GPR39: variants seen among roughly 807,000 people sequenced by gnomAD.
GPR39 encodes the protein G protein-coupled receptor 39, also known as zinc sensing receptor.
A neutral mutation model predicts 18.4 loss-of-function variants in GPR39; 23 were observed. That is an observed-to-expected ratio of 1.25 (90% confidence interval 0.90 to 1.77). The LOEUF is 1.77. GPR39 is among the 40% of genes most tolerant of loss of function. GPR39 has a pLI of 0.00. For synonymous variants in GPR39, 280 were observed against 257.9 expected (o/e 1.09, Z -0.82); for missense variants, 647 against 602.4 (o/e 1.07, Z -0.78).
intron 1 of GPR39, among the ~76,000 whole-genome samples, chr2:132,435,294 C>T (rs2104761434): frequency 6.6e-6 from 1 of 152,200 alleles, no homozygotes; most frequent in Middle Eastern, 3.4e-3. Context: ...AAACCAACCC[C>T]TCCTTCCTCG....
chr2:132,441,614 T>G (rs571421278), intron 1 of GPR39, among the ~76,000 whole-genome samples: 1 of 152,330 alleles, frequency 6.6e-6, no homozygotes, highest in African/African-American at 2.4e-5. Flanking sequence ...TTAATACACT[T>G]GACTTCTTTT....
chr2:132,466,506 T>TCCCA, intron 1 of GPR39, among the ~76,000 whole-genome samples: 1 of 152,316 alleles, frequency 6.6e-6, no homozygotes, highest in Non-Finnish European at 1.5e-5. Flanking sequence ...GGGCCAGGGT[T>TCCCA]GACTGAGTTC....
chr2:132,591,244 C>T lies in GPR39; in HGVS notation c.857-53857C>T, dbSNP rs1277164502. Among the ~76,000 whole-genome samples the T allele has an allele frequency of 1.2e-4, 14 of 117,952 alleles. No homozygotes were observed. In the Admixed American group the frequency reaches 1.5e-3, roughly 13 times the overall value. 77.4% of individuals were successfully genotyped at this position (117,952 alleles called of 152,430 possible). A position where few individuals can be genotyped will look rare whatever the true frequency, so the allele number is the denominator to read the frequency against. ...CCGCAGTCCGGCCTGGGCGACAGAG[C>T]GAGACTCCGTCTCAAAAAAAAAAAA... On this transcript the variant is annotated intron_variant, in intron 1 of 1. Coordinates refer to ENST00000329321, the MANE Select transcript of GPR39 (RefSeq NM_001508.3).
chr2:132,540,020 A>G (rs938074235), intron 1 of GPR39, among the ~76,000 whole-genome samples: 5 of 152,126 alleles, frequency 3.3e-5, no homozygotes, highest in African/African-American at 7.2e-5. Flanking sequence ...GAGGAAAGGA[A>G]GTTGCTATTA....
intron 1 of GPR39, among the ~76,000 whole-genome samples, chr2:132,485,468 A>G (rs527325934): frequency 6.6e-6 from 1 of 152,338 alleles, no homozygotes; most frequent in Admixed American, 6.5e-5. Context: ...GTTTTATAGC[A>G]TTTTATCCAG....
intron 1 of GPR39, among the ~76,000 whole-genome samples, chr2:132,552,673 G>T (rs750985918): frequency 5.9e-5 from 9 of 151,506 alleles, no homozygotes; most frequent in African/African-American, 1.9e-4. Context: ...CTGGAAGTTC[G>T]GCATCCTTGA....
At chr2:132,440,655 C>T (rs1013940330) in intron 1 of GPR39, among the ~76,000 whole-genome samples, 1 of 152,132 alleles carries the variant, frequency 6.6e-6, no homozygotes, top group Non-Finnish European at 1.5e-5. Flanking sequence ...CCACTGACAT[C>T]AGGGTCAGTG....
chr2:132,506,732 T>C (rs1679141523), intron 1 of GPR39, among the ~76,000 whole-genome samples: 1 of 152,118 alleles, frequency 6.6e-6, no homozygotes, highest in African/African-American at 2.4e-5. Flanking sequence ...ATTATCTAAT[T>C]ACCTCCCACC....
chr2:132,634,993 T>C (rs1395809198), intron 1 of GPR39, among the ~76,000 whole-genome samples: 1 of 152,220 alleles, frequency 6.6e-6, no homozygotes, highest in Non-Finnish European at 1.5e-5. Context: ...AAGGCAGTTG[T>C]CAGAATCCAA....
At chr2:132,449,447 G>A (rs1344170398) in intron 1 of GPR39, among the ~76,000 whole-genome samples, 13 of 152,100 alleles carry the variant, frequency 8.5e-5, no homozygotes, top group Admixed American at 7.2e-4. Context: ...GGGTTTCACC[G>A]TGTTGTGGTC....
chr2:132,516,578 C>T lies in GPR39; in HGVS notation c.856+98680C>T, dbSNP rs148207428. ...GGGGCTCACCTGAGGCCTGTTAGTT[C>T]AGAAGTTCTCTGCATTTTTCAGCCG... is the stretch of plus-strand genomic sequence containing the variant. On this transcript the variant is annotated intron_variant, in intron 1 of 1. Transcript: ENST00000329321. Among the ~76,000 whole-genome samples the T allele has an allele frequency of 5.5e-3, 835 of 152,306 alleles. 8 individuals are homozygous for T. The highest frequency in any genetic ancestry group is 0.019 in the African/African-American group (790 of 41,564).
chr2:132,576,982 C>T (rs1161496471), intron 1 of GPR39, among the ~76,000 whole-genome samples: 1 of 152,052 alleles, frequency 6.6e-6, no homozygotes, highest in East Asian at 1.9e-4. Flanking sequence ...TATACCTCTA[C>T]CAATACCACA....
At chr2:132,557,083 AGG>A (rs34244350) in intron 1 of GPR39, among the ~76,000 whole-genome samples, 48,852 of 151,252 alleles carry the variant, frequency 0.32, 8,044 homozygotes, top group Middle Eastern at 0.43. Flanking sequence ...TGGGAGGCCA[AGG>A]GGGGGGGCAG....
intron 1 of GPR39, among the ~76,000 whole-genome samples, chr2:132,438,713 T>G (rs1227828118): frequency 1.3e-5 from 2 of 151,990 alleles, no homozygotes; most frequent in African/African-American, 4.8e-5. Context: ...AACTGATGCC[T>G]TAAGTCTCAA....
intron 1 of GPR39, among the ~76,000 whole-genome samples, chr2:132,539,111 A>G (rs1273065748): frequency 6.6e-6 from 1 of 152,148 alleles, no homozygotes; most frequent in Non-Finnish European, 1.5e-5. Context: ...CTGCCGGAGT[A>G]TGAAAGACTT....
intron 1 of GPR39, among the ~76,000 whole-genome samples, chr2:132,525,800 A>G (rs1242026669): frequency 6.6e-6 from 1 of 152,210 alleles, no homozygotes; most frequent in African/African-American, 2.4e-5. Flanking sequence ...CAAGGAAGAC[A>G]TGTCCCTTCA....
At chr2:132,441,922 G>A (rs191228521) in intron 1 of GPR39, among the ~76,000 whole-genome samples, 51 of 152,318 alleles carry the variant, frequency 3.3e-4, no homozygotes, top group African/African-American at 1.2e-3. Flanking sequence ...TGCTTCTGGA[G>A]ATGATTTTGC....
At chr2:132,565,027 C>T (rs1471488633) in intron 1 of GPR39, among the ~76,000 whole-genome samples, 1 of 151,772 alleles carries the variant, frequency 6.6e-6, no homozygotes, top group African/African-American at 2.4e-5. Flanking sequence ...CCATGTTGGC[C>T]AGGATGGTCT....
intron 1 of GPR39, among the ~76,000 whole-genome samples, chr2:132,461,887 C>T (rs1015127208): frequency 5.9e-5 from 9 of 152,204 alleles, no homozygotes; most frequent in African/African-American, 1.9e-4. Context: ...CAGAGCCCCA[C>T]ACACATTAGT....
Sources: allele counts gnomAD v4.1 joint callset (sites outside exome capture counted in the v4.1 genomes callset), GRCh38; gene constraint gnomAD v4.1.1; transcripts MANE v1.5; gene names NCBI Gene and HGNC (gene_info 2026-07-23, HGNC 2026-07-21).